The following RPS6KA1 variants were observed in gnomAD, a reference collection of about 807,000 sequenced individuals.
RPS6KA1 encodes ribosomal protein S6 kinase alpha-1.
Under a neutral mutation model 91.3 loss-of-function variants are expected in RPS6KA1, and 48 were observed. That is an observed-to-expected ratio of 0.53 (90% CI 0.42 to 0.67). RPS6KA1 has a LOEUF of 0.67. RPS6KA1 is among the 30% of genes least tolerant of loss of function. The pLI is 0.00. For missense variants in RPS6KA1, 719 were observed against 960.5 expected (o/e 0.75, Z 3.32); for synonymous variants, 359 against 384.7 (o/e 0.93, Z 0.78).
intron 1 of RPS6KA1, 28 bp downstream of exon 1, chr1:26,530,011 C>A: frequency 4.6e-6 from 6 of 1,316,414 alleles, no homozygotes; most frequent in Non-Finnish European, 5.8e-6. Flanking sequence ...GGGACGGGCG[C>A]CCGCGGCCGG....
Position 26,573,223 on chromosome 1 carries a change from G to A in RPS6KA1, c.1948-1G>A, listed in dbSNP as rs2076265553. 1.2e-6 allele frequency: 2 copies of A among 1,613,842 alleles called. No individual in the cohort carries two copies. The highest frequency in any genetic ancestry group is 1.3e-5 in the African/African-American group (1 of 74,918). On this transcript the variant is annotated splice_acceptor_variant, in intron 20 of 21. Coordinates refer to ENST00000374168, the MANE Select transcript of RPS6KA1 (RefSeq NM_002953.4). LOFTEE classifies it high-confidence loss of function. The stretch of plus-strand genomic sequence containing the variant: ...AACCCCCTTGCCCACTGTGTCCCCA[G>A]GACCTGGTGTCCAAGATGCTACACG...
intron 1 of RPS6KA1, chr1:26,531,167 A>C (rs1219320777): frequency 6.3e-6 from 1 of 157,716 alleles, no homozygotes; most frequent in African/African-American, 2.4e-5. Context: ...TGGCTATTGG[A>C]GGGTGGGCGC....
chr1:26,533,909 C>A (rs867210563), intron 1 of RPS6KA1, among the ~76,000 whole-genome samples: 6 of 152,082 alleles, frequency 3.9e-5, no homozygotes, highest in Admixed American at 2.6e-4. Context: ...CACCCCACAA[C>A]CCCCCTGACC....
At chr1:26,531,955 T>C (rs2075870818) in intron 1 of RPS6KA1, among the ~76,000 whole-genome samples, 1 of 152,132 alleles carries the variant, frequency 6.6e-6, no homozygotes, top group African/African-American at 2.4e-5. Flanking sequence ...TCGCTGTTCT[T>C]AGCCCAGGTG....
chr1:26,553,360 C>G (rs1466195723), intron 6 of RPS6KA1, 31 bp from the exon 7 acceptor site: 1 of 1,458,538 alleles, frequency 6.9e-7, no homozygotes. Context: ...AAGAGGAGGT[C>G]CCTGCTGAAG....
intron 14 of RPS6KA1, among the ~76,000 whole-genome samples, chr1:26,560,406 C>A (rs999038784): frequency 6.6e-6 from 1 of 152,228 alleles, no homozygotes; most frequent in East Asian, 1.9e-4. Context: ...TGCGTCCCTC[C>A]CAGGCCTGCC....
In RPS6KA1 at chr1:26,574,054, C is replaced by T; in HGVS notation, c.2086-25C>T. 8 of 1,610,240 alleles carry T rather than the reference C, an allele frequency of 5.0e-6. No homozygotes were observed. The highest frequency in any genetic ancestry group is 5.9e-6 in the Non-Finnish European group (7 of 1,177,028). ...CCCGCTACATCTCCCACCATTGTGACCTGACCTCCCCACTTCTCTTTCAGG... is the reference window on the plus strand; with the variant it reads ...CCCGCTACATCTCCCACCATTGTGATCTGACCTCCCCACTTCTCTTTCAGG... On this transcript the variant is annotated intron_variant, in intron 21 of 21. Transcript: ENST00000374168. This position sits in a 1 kb window ranked among gnomAD's most constrained non-coding sequence, Gnocchi z 4.3.
intron 2 of RPS6KA1, among the ~76,000 whole-genome samples, chr1:26,541,668 G>C (rs1045317451): frequency 2.0e-5 from 3 of 152,252 alleles, no homozygotes; most frequent in African/African-American, 7.2e-5. Flanking sequence ...TCCCCCTCAA[G>C]GCTGCCAGGG....
chr1:26,573,841 G>A (rs1237912960), intron 21 of RPS6KA1, among the ~76,000 whole-genome samples: 1 of 152,024 alleles, frequency 6.6e-6, no homozygotes, highest in Non-Finnish European at 1.5e-5. Flanking sequence ...GGGAGGCTGA[G>A]ACAGGAGAAT....
chr1:26,529,944 G>T lies in RPS6KA1; in HGVS notation c.24G>T (p.Glu8Asp). The change falls in exon 1 of 22, where the codon GAG becomes GAT. Residue 8 changes from glutamate (E) to aspartate (D), a missense_variant. By Grantham distance (45) the Glu-to-Asp change is conservative. Around this residue, in one of 5 missense-constraint regions of RPS6KA1, gnomAD observed 57 missense variants for 55.8 expected, o/e 1.02. Coordinates refer to ENST00000374168, the MANE Select transcript of RPS6KA1 (RefSeq NM_002953.4). The surrounding 1 kb of genome is among the most constrained non-coding windows in gnomAD (Gnocchi z 4.2). ...AGATGCCGCTCGCCCAGCTCAAGGA[G>T]CCCTGGCCGCTCATGGAGCTAGTGC... is the stretch of plus-strand genomic sequence containing the variant. Reference protein sequence around the residue: MPLAQLKEPWPLMELVPL... With the variant: MPLAQLKDPWPLMELVPL... 7.0e-7 allele frequency: 1 copy of T among 1,433,942 alleles called. No homozygotes were observed. The highest frequency in any genetic ancestry group is 1.5e-5 in the African/African-American group (1 of 67,158). The allele number at this position is 1,433,942 out of a possible 1,614,324, so 88.8% of individuals were successfully genotyped here.
rs1275768349 is a variant in RPS6KA1, at chr1:26,553,467, G to A, written c.545G>A (p.Gly182Asp). 1.2e-6 allele frequency: 2 copies of A among 1,612,522 alleles called. No individual in the cohort carries two copies. Among genetic ancestry groups the A allele is most frequent in the East Asian group, 2.2e-5 (1 of 44,814 alleles). ...ALGLDHLHSL[G>D]IIYRDLKPEN... is the part of the protein sequence containing the mutation. ...GGCCTGGATCACCTGCACAGCCTGG[G>A]TATCATTTACAGAGACCTCAAGCCT... The change falls in exon 7 of 22, where the codon GGT becomes GAT. Residue 182 changes from glycine to aspartate, a missense_variant. By Grantham distance (94) the Gly-to-Asp change is moderately conservative (BLOSUM62 -1). Coordinates refer to ENST00000374168, the MANE Select transcript of RPS6KA1 (RefSeq NM_002953.4).
At chr1:26,568,134 G>T (rs976331979) in intron 17 of RPS6KA1, among the ~76,000 whole-genome samples, 1 of 152,206 alleles carries the variant, frequency 6.6e-6, no homozygotes, top group Non-Finnish European at 1.5e-5. Flanking sequence ...CACTGGGTCC[G>T]AGTTGCTATG....
chr1:26,558,720 G>T lies in RPS6KA1; in HGVS notation c.1085-87G>T. On this transcript the variant is annotated intron_variant, in intron 13 of 21. Coordinates refer to ENST00000374168, the MANE Select transcript of RPS6KA1 (RefSeq NM_002953.4). This position sits in a 1 kb window ranked among gnomAD's most constrained non-coding sequence, Gnocchi z 4.0. ...ACGGCCAGCCCCTGAGGCAGGTCTG[G>T]AGGCCCTGTGCTCCCCCTTTGCTGG... The T allele has an allele frequency of 6.7e-7, 1 of 1,488,242 alleles. No individual in the cohort carries two copies. The highest frequency in any genetic ancestry group is 1.3e-5 in the South Asian group (1 of 77,784). The allele number at this position is 1,488,242 out of a possible 1,614,324, so 92.2% of individuals were successfully genotyped here. A position where few individuals can be genotyped will look rare whatever the true frequency, so the allele number is the denominator to read the frequency against.
At position 26,540,923 on chromosome 1, in the gene RPS6KA1, TG is replaced by T. The variant is rs1432035466; in HGVS notation, c.108+3957del. 6.6e-6 allele frequency among the ~76,000 whole-genome samples: 1 copy of T among 152,184 alleles called. No individual in the cohort carries two copies. The highest frequency in any genetic ancestry group is 1.5e-5 in the Non-Finnish European group (1 of 68,032). ...CTCCTGCCTCAGCCTCCGTAGTAGC[TG>T]GGATTGCAGGCATATGCCACTATGC... On this transcript the variant is annotated intron_variant, in intron 2 of 21. Coordinates refer to ENST00000374168, the MANE Select transcript of RPS6KA1 (RefSeq NM_002953.4). This position sits in a 1 kb window ranked among gnomAD's most constrained non-coding sequence, Gnocchi z 4.2.
chr1:26,551,032 G>A lies in RPS6KA1; in HGVS notation c.308-365G>A, dbSNP rs983204756. On this transcript the variant is annotated intron_variant, in intron 4 of 21. Transcript: ENST00000374168. This position sits in a 1 kb window ranked among gnomAD's most constrained non-coding sequence, Gnocchi z 4.5. Reference sequence around the variant, plus strand: ...GCTGGTGAAGGCATGCCAGGGGGAGGTGCAGAGGCAAAGTCTGAGGATCTG... The same window carrying A: ...GCTGGTGAAGGCATGCCAGGGGGAGATGCAGAGGCAAAGTCTGAGGATCTG... Among the ~76,000 whole-genome samples the A allele has an allele frequency of 1.3e-5, 2 of 152,118 alleles. No individual in the cohort carries two copies. Among genetic ancestry groups the A allele is most frequent in the African/African-American group, 4.8e-5 (2 of 41,410 alleles).
intron 1 of RPS6KA1, among the ~76,000 whole-genome samples, chr1:26,536,152 TAAAAAAAAA>T (rs35238041): frequency 1.3e-5 from 1 of 74,418 alleles, no homozygotes; most frequent in Non-Finnish European, 2.6e-5. Flanking sequence ...AAACTCTGTC[TAAAAAAAAA>T]AAAAAAAAAA....
intron 2 of RPS6KA1, among the ~76,000 whole-genome samples, chr1:26,541,342 C>T (rs1027859108): frequency 6.6e-6 from 1 of 151,514 alleles, no homozygotes; most frequent in African/African-American, 2.4e-5. Context: ...ATCGCCTGAG[C>T]TCAGGAGTTT....
In RPS6KA1 at chr1:26,574,132, G is replaced by T; in HGVS notation, c.2139G>T (p.Gln713His). 6.2e-7 allele frequency: 1 copy of T among 1,614,112 alleles called. No homozygotes were observed. The highest frequency in any genetic ancestry group is 1.1e-5 in the South Asian group (1 of 91,084). The change falls in exon 22 of 22, where the codon CAG becomes CAT. Residue 713 changes from glutamine (Q) to histidine (H), a missense_variant. Gln to His is a conservative substitution (Grantham distance 24, BLOSUM62 0). Around this residue, in one of 5 missense-constraint regions of RPS6KA1, gnomAD observed 249 missense variants for 323.1 expected, o/e 0.77. Coordinates refer to ENST00000374168, the MANE Select transcript of RPS6KA1 (RefSeq NM_002953.4). The surrounding 1 kb of genome is among the most constrained non-coding windows in gnomAD (Gnocchi z 4.3). ...SALNSSKPTP[Q>H]LKPIESSILA... is the part of the protein sequence containing the mutation. The stretch of plus-strand genomic sequence containing the variant: ...TCAACAGCTCCAAGCCCACCCCCCA[G>T]CTGAAGCCCATCGAGTCATCCATCC...
In RPS6KA1 at chr1:26,556,694, C is replaced by T. The variant is rs756071873; in HGVS notation, c.957C>T (p.Val319=). Residue 319 remains valine, a synonymous_variant, in exon 12 of 22, where the codon GTC becomes GTT. Coordinates refer to ENST00000374168, the MANE Select transcript of RPS6KA1 (RefSeq NM_002953.4). ...PDGAEEIKRH[V]FYSTIDWNKL... ...GGGCAGAGGAAATCAAGCGGCATGT[C>T]TTCTACTCCACCATTGACTGGAATG... 6.2e-7 allele frequency: 1 copy of T among 1,614,212 alleles called. No homozygotes were observed. The highest frequency in any genetic ancestry group is 8.5e-7 in the Non-Finnish European group (1 of 1,180,038).
Sources: gnomAD v4.1 joint callset for allele counts (sites outside exome capture counted in the v4.1 genomes callset) on GRCh38, gnomAD v4.1.1 for gene constraint, gnomAD v4.1.1 regional missense constraint, Gnocchi (gnomAD v3.1) non-coding constraint, MANE v1.5 for transcripts, NCBI Gene and HGNC (gene_info 2026-07-23, HGNC 2026-07-21) for gene names.